AKT3: variants seen among roughly 807,000 people sequenced by gnomAD.
AKT3 encodes RAC-gamma serine/threonine-protein kinase.
AKT3 carries 15 observed loss-of-function variants against 65.3 expected under a neutral mutation model. That is an observed-to-expected ratio of 0.23 (90% CI 0.15 to 0.35). The LOEUF is 0.35. Among genes scored for constraint, AKT3 ranks in the 10% least tolerant of loss-of-function variants. AKT3 has a pLI of 1.00. For missense variants in AKT3, 243 were observed against 576.5 expected (o/e 0.42, Z 5.92); for synonymous variants, 206 against 183.8 (o/e 1.12, Z -0.98).
chr1:243,728,561 T>C (rs1310094385), intron 2 of AKT3, among the ~76,000 whole-genome samples: 1 of 152,212 alleles, frequency 6.6e-6, no homozygotes, highest in East Asian at 1.9e-4. Flanking sequence ...ACCTTTGTAT[T>C]TCACCTAAAA....
rs1434921223 is a variant in AKT3 at position 243,502,142 on chromosome 1, G to C, written c.*3107C>G. ...AATAAATACTTTACATTTCATGCTT[G>C]CCTGTAATGCACTACCAGGAGCAAG... On this transcript the variant is annotated 3_prime_UTR_variant, in exon 14 of 14. Coordinates refer to ENST00000673466, the MANE Select transcript of AKT3 (RefSeq NM_005465.7). 2 of 231,620 alleles carry C rather than the reference G, an allele frequency of 8.6e-6. No homozygotes were observed. The highest frequency in any genetic ancestry group is 1.7e-5 in the Non-Finnish European group (2 of 117,224). 14.3% of individuals were successfully genotyped at this position (231,620 alleles called of 1,614,324 possible).
intron 4 of AKT3, among the ~76,000 whole-genome samples, chr1:243,649,427 A>G (rs920922242): frequency 6.6e-6 from 1 of 151,482 alleles, no homozygotes; most frequent in Non-Finnish European, 1.5e-5. Context: ...ACACATACAT[A>G]CACACTTTAA....
chr1:243,531,665 ATAAGAT>A (rs776641434), intron 12 of AKT3, among the ~76,000 whole-genome samples: 3 of 152,170 alleles, frequency 2.0e-5, no homozygotes, highest in Admixed American at 6.5e-5. Context: ...GTATTCTACC[ATAAGAT>A]TAAGAAAAAA....
At chr1:243,787,925 C>T (rs1419482672) in intron 2 of AKT3, among the ~76,000 whole-genome samples, 1 of 152,146 alleles carries the variant, frequency 6.6e-6, no homozygotes, top group African/African-American at 2.4e-5. Flanking sequence ...CCTCCATTCC[C>T]CTCAGATCCC....
chr1:243,796,381 A>T (rs2148352487), intron 2 of AKT3, among the ~76,000 whole-genome samples: 1 of 152,360 alleles, frequency 6.6e-6, no homozygotes, highest in South Asian at 2.1e-4. Flanking sequence ...GACTTGCATT[A>T]GAATCCACAA....
intron 13 of AKT3, among the ~76,000 whole-genome samples, chr1:243,492,602 C>A (rs1465541605): frequency 9.0e-6 from 1 of 111,330 alleles, no homozygotes; most frequent in Admixed American, 1.1e-4. Context: ...CTGCGCCCAG[C>A]TGTTTTTTTT....
Position 243,499,909 on chromosome 1 carries a change from GGC to G in AKT3, c.*5338_*5339del. 1.1e-6 allele frequency: 1 copy of G among 910,340 alleles called. No homozygotes were observed. The highest frequency in any genetic ancestry group is 2.6e-5 in the East Asian group (1 of 38,776). The allele number at this position is 910,340 out of a possible 1,614,324, so 56.4% of individuals were successfully genotyped here. ...GTGACACCGCCTCAGCCTGCAGTGG[GGC>G]TGGTCCTCATCAACGCGGGCGCTGT... On this transcript the variant is annotated 3_prime_UTR_variant, in exon 14 of 14. Transcript: ENST00000673466.
downstream of AKT3, chr1:243,499,668 A>C: frequency 9.3e-7 from 1 of 1,077,332 alleles, no homozygotes; most frequent in Non-Finnish European, 1.4e-6. Flanking sequence ...AGTTTTCATC[A>C]TAAAAGGTGA....
chr1:243,657,753 T>A (rs984835084), intron 4 of AKT3, among the ~76,000 whole-genome samples: 5 of 152,106 alleles, frequency 3.3e-5, no homozygotes, highest in African/African-American at 1.2e-4. Context: ...ATTCTAAAGC[T>A]TCAGTAATTA....
intron 8 of AKT3, among the ~76,000 whole-genome samples, chr1:243,598,394 GT>G (rs1009811123): frequency 3.3e-5 from 5 of 151,560 alleles, no homozygotes; most frequent in South Asian, 2.1e-4. Flanking sequence ...AGACTACATA[GT>G]TTTTTTTTAT....
At position 243,489,062 on chromosome 1, in the gene AKT3, G is replaced by C. The variant is rs777427404; in HGVS notation, c.*7-612C>G. 6.8e-6 allele frequency: 11 copies of C among 1,613,336 alleles called. No homozygotes were observed. In the African/African-American group the frequency reaches 1.3e-4, roughly 20 times the overall value. On this transcript the variant is annotated intron_variant, in intron 13 of 13. Coordinates refer to the AKT3 transcript ENST00000336199. ...GCCAGGCCACAGCCCAGCAGCTGGT[G>C]CAGCTCCTCAGCAAGCAGAACCAGC...
At chr1:243,790,807 T>C (rs1386881204) in intron 2 of AKT3, among the ~76,000 whole-genome samples, 2 of 152,162 alleles carry the variant, frequency 1.3e-5, no homozygotes, top group East Asian at 3.9e-4. Context: ...TTCAATATTG[T>C]TGTGTCTCAG....
chr1:243,749,547 GT>G (rs1688675491), intron 2 of AKT3, among the ~76,000 whole-genome samples: 2 of 152,158 alleles, frequency 1.3e-5, no homozygotes, highest in Non-Finnish European at 2.9e-5. Flanking sequence ...ATACATTCTA[GT>G]TTTCAAGAAC....
intron 2 of AKT3, among the ~76,000 whole-genome samples, chr1:243,804,396 G>A (rs1415831351): frequency 6.6e-6 from 1 of 152,022 alleles, no homozygotes; most frequent in African/African-American, 2.4e-5. Context: ...TTATGTATTA[G>A]CAATAATTGC....
rs1682032450 is a variant in AKT3, at chr1:243,658,861, C to T, written c.284+5911G>A. ...CTGGCAACACAGAGAAACCTTGTCT[C>T]TACAAAAAAAAAAAAAAAAAAAAAT... is the stretch of plus-strand genomic sequence containing the variant. On this transcript the variant is annotated intron_variant, in intron 4 of 13. Transcript: ENST00000673466. 1.0e-4 allele frequency among the ~76,000 whole-genome samples: 8 copies of T among 76,578 alleles called. No homozygotes were observed. The Admixed American group carries it at 1.2e-3, about 12-fold the overall frequency. The allele number at this position is 76,578 out of a possible 152,430, so 50.2% of individuals were successfully genotyped here. A position where few individuals can be genotyped will look rare whatever the true frequency, so the allele number is the denominator to read the frequency against.
intron 2 of AKT3, among the ~76,000 whole-genome samples, chr1:243,751,448 T>C (rs929561900): frequency 6.6e-6 from 1 of 152,264 alleles, no homozygotes; most frequent in African/African-American, 2.4e-5. Flanking sequence ...GTGTAAGTAA[T>C]AGTTGCTCAT....
At chr1:243,508,338 T>C (rs1669800246) in intron 13 of AKT3, among the ~76,000 whole-genome samples, 1 of 152,184 alleles carries the variant, frequency 6.6e-6, no homozygotes, top group South Asian at 2.1e-4. Flanking sequence ...CAGGGCCCCA[T>C]GGCCCCCAGT....
At chr1:243,629,398 A>G (rs1679430691) in intron 6 of AKT3, among the ~76,000 whole-genome samples, 1 of 152,234 alleles carries the variant, frequency 6.6e-6, no homozygotes, top group Admixed American at 6.5e-5. Flanking sequence ...GATGGTCATC[A>G]AAAGAACTTC....
chr1:243,640,580 A>C (rs995392593), intron 5 of AKT3, among the ~76,000 whole-genome samples: 5 of 152,184 alleles, frequency 3.3e-5, no homozygotes, highest in Non-Finnish European at 7.3e-5. Flanking sequence ...CTGGAGAGAG[A>C]GGCCATGTGG....
Sources: gnomAD v4.1 joint callset for allele counts (sites outside exome capture counted in the v4.1 genomes callset) on GRCh38, gnomAD v4.1.1 for gene constraint, MANE v1.5 for transcripts, NCBI Gene and HGNC (gene_info 2026-07-23, HGNC 2026-07-21) for gene names.